LSAMP: variants seen among roughly 807,000 people sequenced by gnomAD.
LSAMP encodes the protein limbic system-associated membrane protein.
Under a neutral mutation model 38.6 loss-of-function variants are expected in LSAMP, and 7 were observed. The observed-to-expected ratio is 0.18, with a 90% CI of 0.10 to 0.34. LSAMP has a LOEUF of 0.34. Ranked by LOEUF, LSAMP falls within the 10% of genes least tolerant of loss-of-function variation. The probability of loss-of-function intolerance (pLI) is 1.00; values close to 1 mark genes in which losing one functional copy is unlikely to be tolerated. For missense variants in LSAMP, 313 were observed against 420.0 expected (o/e 0.75, Z 2.23); for synonymous variants, 154 against 166.8 (o/e 0.92, Z 0.59).
chr3:116,275,501 A>ATGTT (rs2047038087), intron 1 of LSAMP, among the ~76,000 whole-genome samples: 11 of 152,076 alleles, frequency 7.2e-5, no homozygotes, highest in Admixed American at 7.2e-4. Flanking sequence ...TTTAAAAGAA[A>ATGTT]CGTTATTTAC....
At chr3:116,355,911 A>G (rs1252062861) in intron 1 of LSAMP, among the ~76,000 whole-genome samples, 3 of 152,228 alleles carry the variant, frequency 2.0e-5, no homozygotes, top group African/African-American at 7.2e-5. Context: ...GCTTTTATCC[A>G]AAACACAGGC....
chr3:116,351,851 A>G (rs2048144795), intron 1 of LSAMP, among the ~76,000 whole-genome samples: 1 of 152,114 alleles, frequency 6.6e-6, no homozygotes, highest in Non-Finnish European at 1.5e-5. Flanking sequence ...ACTAGAAACC[A>G]AACAAAAGTA....
At chr3:116,090,718 G>A (rs1708103468) in intron 1 of LSAMP, among the ~76,000 whole-genome samples, 1 of 152,104 alleles carries the variant, frequency 6.6e-6, no homozygotes, top group Non-Finnish European at 1.5e-5. Context: ...TCACACGTTG[G>A]TAGGATCCGT....
At chr3:116,071,847 G>A (rs1270266555) in intron 2 of LSAMP, among the ~76,000 whole-genome samples, 1 of 152,138 alleles carries the variant, frequency 6.6e-6, no homozygotes, top group African/African-American at 2.4e-5. Flanking sequence ...AGAACATGCA[G>A]TGTATGGTTT....
intron 1 of LSAMP, among the ~76,000 whole-genome samples, chr3:116,154,195 G>A (rs1709687513): frequency 6.6e-6 from 1 of 152,034 alleles, no homozygotes; most frequent in African/African-American, 2.4e-5. Context: ...TGATGATCAT[G>A]GGCCTTGTCA....
intron 2 of LSAMP, 48 bp downstream of exon 2, chr3:116,086,276 C>T: frequency 1.4e-6 from 2 of 1,380,818 alleles, no homozygotes; most frequent in Non-Finnish European, 2.1e-6. Flanking sequence ...TATTATTCTG[C>T]AACTCCCACC....
intron 1 of LSAMP, among the ~76,000 whole-genome samples, chr3:116,299,307 A>G (rs1476217782): frequency 6.6e-6 from 1 of 152,218 alleles, no homozygotes; most frequent in Non-Finnish European, 1.5e-5. Flanking sequence ...TAAAGGAGAC[A>G]GAGTCTCACG....
intron 1 of LSAMP, among the ~76,000 whole-genome samples, chr3:116,367,786 G>T (rs2048374383): frequency 1.3e-5 from 2 of 151,954 alleles, no homozygotes; most frequent in Non-Finnish European, 2.9e-5. Flanking sequence ...TGGGATTACA[G>T]GCTAGAGCCA....
chr3:115,803,816 C>T lies in LSAMP; in HGVS notation c.*6501G>A, dbSNP rs1361464340. 6.6e-6 allele frequency: 1 copy of T among 152,154 alleles called. No individual in the cohort carries two copies. Among genetic ancestry groups the T allele is most frequent in the Non-Finnish European group, 1.5e-5 (1 of 68,034 alleles). 9.4% of individuals were successfully genotyped at this position (152,154 alleles called of 1,614,324 possible). The stretch of plus-strand genomic sequence containing the variant: ...GTTCAGCCTTTGAACCTGCCTGGGA[C>T]CCCATGCTTACCGCCATCAGCACAA... On this transcript the variant is annotated 3_prime_UTR_variant, in exon 7 of 7. Transcript: ENST00000490035.
At chr3:115,889,036 G>A (rs1936527574) in intron 3 of LSAMP, among the ~76,000 whole-genome samples, 2 of 151,812 alleles carry the variant, frequency 1.3e-5, no homozygotes, top group South Asian at 4.1e-4. Flanking sequence ...ACCATGCCTT[G>A]TTTACGCCAT....
chr3:116,357,325 A>G (rs973459055), intron 1 of LSAMP, among the ~76,000 whole-genome samples: 2 of 152,158 alleles, frequency 1.3e-5, no homozygotes, highest in Non-Finnish European at 2.9e-5. Context: ...AAAAGTAATT[A>G]TTTCTAACAT....
intron 6 of LSAMP, among the ~76,000 whole-genome samples, chr3:115,820,265 C>T (rs866165160): frequency 6.6e-6 from 1 of 152,176 alleles, no homozygotes; most frequent in Non-Finnish European, 1.5e-5. Flanking sequence ...TTATGCCTTT[C>T]AGGAAGACTT....
At chr3:116,029,565 T>C (rs527626216) in intron 2 of LSAMP, among the ~76,000 whole-genome samples, 2 of 152,192 alleles carry the variant, frequency 1.3e-5, no homozygotes, top group East Asian at 3.9e-4. Context: ...AAAGATAAAA[T>C]GTATGCACAA....
chr3:116,387,909 C>T (rs372814191), intron 1 of LSAMP, among the ~76,000 whole-genome samples: 5 of 151,262 alleles, frequency 3.3e-5, no homozygotes, highest in African/African-American at 9.7e-5. Flanking sequence ...CTGGCTAACA[C>T]GGTGAAACCC....
chr3:115,925,834 C>T (rs769911542), intron 3 of LSAMP, among the ~76,000 whole-genome samples: 3 of 151,808 alleles, frequency 2.0e-5, no homozygotes, highest in South Asian at 2.1e-4. Context: ...ATGCCTAGTG[C>T]AGAAAAACAG....
chr3:116,280,792 T>C (rs959023704), intron 1 of LSAMP, among the ~76,000 whole-genome samples: 1 of 152,196 alleles, frequency 6.6e-6, no homozygotes, highest in Non-Finnish European at 1.5e-5. Context: ...CCAGTGAAAG[T>C]GGCCATTCGG....
chr3:116,168,988 G>A (rs1710129049), intron 1 of LSAMP, among the ~76,000 whole-genome samples: 1 of 152,014 alleles, frequency 6.6e-6, no homozygotes, highest in African/African-American at 2.4e-5. Flanking sequence ...ATCATTTGAG[G>A]CCAGAATTTT....
rs919207184 is a variant in LSAMP, at chr3:115,921,466, G to A, written c.515-68849C>T. ...TTTCATTTCTCCCCTCCACACATAC[G>A]CATGTTATTGATGCCACAAATTATA... On this transcript the variant is annotated intron_variant, in intron 3 of 6. Transcript: ENST00000490035. 4.6e-5 allele frequency among the ~76,000 whole-genome samples: 7 copies of A among 151,766 alleles called. 1 individual carries two copies. Among genetic ancestry groups the A allele is most frequent in the African/African-American group, 7.3e-5 (3 of 41,322 alleles).
chr3:115,922,509 T>C (rs1937406391), intron 3 of LSAMP, among the ~76,000 whole-genome samples: 1 of 152,188 alleles, frequency 6.6e-6, no homozygotes, highest in Non-Finnish European at 1.5e-5. Flanking sequence ...TCATGATGCT[T>C]ATTTTGAATT....
Sources: gnomAD v4.1 joint callset for allele counts (sites outside exome capture counted in the v4.1 genomes callset) on GRCh38, gnomAD v4.1.1 for gene constraint, MANE v1.5 for transcripts, NCBI Gene and HGNC (gene_info 2026-07-23, HGNC 2026-07-21) for gene names.